Variants in TMEM135 observed in about 807,000 individuals in gnomAD.
TMEM135 encodes the protein peroxisomal membrane protein 52.
A neutral mutation model predicts 60.3 loss-of-function variants in TMEM135; 30 were observed. The observed-to-expected ratio is 0.50, with a 90% confidence interval of 0.37 to 0.68. TMEM135 has a LOEUF of 0.68. Ranked by LOEUF, TMEM135 falls within the 30% of genes least tolerant of loss-of-function variation. The pLI is 0.00. For synonymous variants in TMEM135, 190 were observed against 186.7 expected (o/e 1.02, Z -0.14); for missense variants, 468 against 548.8 (o/e 0.85, Z 1.47).
intron 1 of TMEM135, among the ~76,000 whole-genome samples, chr11:87,050,479 G>A (rs1437023174): frequency 1.5e-5 from 1 of 67,878 alleles, no homozygotes; most frequent in Non-Finnish European, 2.5e-5. Context: ...ATGATAAAGG[G>A]GATATCACCA....
At chr11:87,044,361 A>C (rs1421493886) in intron 1 of TMEM135, among the ~76,000 whole-genome samples, 1 of 152,160 alleles carries the variant, frequency 6.6e-6, no homozygotes, top group Non-Finnish European at 1.5e-5. Context: ...AAGACCAGCA[A>C]TGAGACTAAA....
chr11:87,261,092 C>T (rs774227204), intron 6 of TMEM135, among the ~76,000 whole-genome samples: 17 of 152,226 alleles, frequency 1.1e-4, no homozygotes, highest in Middle Eastern at 3.4e-3. Flanking sequence ...ATTCTAGTAC[C>T]TCACAACAAG....
intron 4 of TMEM135, among the ~76,000 whole-genome samples, chr11:87,122,397 A>C (rs117265532): frequency 0.021 from 3,053 of 148,016 alleles, 36 homozygotes; most frequent in South Asian, 0.033. Context: ...TAAAATCATA[A>C]AAATCTCCAG....
At chr11:87,237,672 T>A (rs1344721137) in intron 6 of TMEM135, among the ~76,000 whole-genome samples, 1 of 152,018 alleles carries the variant, frequency 6.6e-6, no homozygotes, top group African/African-American at 2.4e-5. Flanking sequence ...TCCTTTGTGT[T>A]ACAAACAATC....
chr11:87,325,452 G>A lies in TMEM135; in HGVS notation c.*4119G>A. The A allele has an allele frequency of 2.2e-6, 1 of 453,768 alleles. No individual in the cohort carries two copies. Among genetic ancestry groups the A allele is most frequent in the Non-Finnish European group, 4.4e-6 (1 of 226,694 alleles). The allele number at this position is 453,768 out of a possible 1,614,324, so 28.1% of individuals were successfully genotyped here. On this transcript the variant is annotated 3_prime_UTR_variant, in exon 15 of 15. Coordinates refer to ENST00000305494, the MANE Select transcript of TMEM135 (RefSeq NM_022918.4). ...TGGTTGGAGGAAAGAATTTATATCT[G>A]GTCTTTTGGAAATTATTCTGTTGCT...
intron 4 of TMEM135, among the ~76,000 whole-genome samples, chr11:87,098,747 G>A (rs1180167937): frequency 6.6e-6 from 1 of 151,930 alleles, no homozygotes; most frequent in African/African-American, 2.4e-5. Flanking sequence ...GCAGTGCAGT[G>A]GTGCCATGTC....
rs1162468448 is a variant in TMEM135 at position 87,328,281 on chromosome 11, C to G, written c.*6948C>G. 6.6e-6 allele frequency: 3 copies of G among 453,978 alleles called. No homozygotes were observed. The highest frequency in any genetic ancestry group is 4.7e-5 in the South Asian group (3 of 64,470). The allele number at this position is 453,978 out of a possible 1,614,324, so 28.1% of individuals were successfully genotyped here. A position where few individuals can be genotyped will look rare whatever the true frequency, so the allele number is the denominator to read the frequency against. The stretch of plus-strand genomic sequence containing the variant: ...GTGTATGCTAAAATACTGTCAATCT[C>G]GTCTTTGAAGGTTTTGCTCATCTTT... On this transcript the variant is annotated 3_prime_UTR_variant, in exon 15 of 15. Coordinates refer to ENST00000305494, the MANE Select transcript of TMEM135 (RefSeq NM_022918.4).
At chr11:87,117,764 G>A (rs888486261) in intron 4 of TMEM135, among the ~76,000 whole-genome samples, 10 of 152,138 alleles carry the variant, frequency 6.6e-5, no homozygotes, top group Admixed American at 5.2e-4. Flanking sequence ...TCCTGTTAAT[G>A]TTGATATTTA....
chr11:87,126,772 A>G (rs890626963), intron 4 of TMEM135, among the ~76,000 whole-genome samples: 3 of 152,150 alleles, frequency 2.0e-5, no homozygotes, highest in African/African-American at 7.2e-5. Flanking sequence ...ATTACCTTTA[A>G]TGAAGGCTGG....
intron 5 of TMEM135, among the ~76,000 whole-genome samples, chr11:87,195,192 A>G (rs886806900): frequency 1.3e-4 from 20 of 152,144 alleles, no homozygotes; most frequent in Non-Finnish European, 2.9e-5. Flanking sequence ...TAATTTATTT[A>G]CTGTCAAATG....
At chr11:87,279,466 T>G (rs1942022230) in intron 6 of TMEM135, among the ~76,000 whole-genome samples, 1 of 152,222 alleles carries the variant, frequency 6.6e-6, no homozygotes, top group East Asian at 1.9e-4. Flanking sequence ...GTAGTAATAA[T>G]AAATAACATT....
chr11:87,198,190 ATTC>A (rs1239138263), intron 5 of TMEM135, among the ~76,000 whole-genome samples: 8 of 152,284 alleles, frequency 5.3e-5, no homozygotes, highest in African/African-American at 1.9e-4. Flanking sequence ...CCTCAGTTCT[ATTC>A]TTTATGTACA....
chr11:87,043,287 T>A (rs1949766816), intron 1 of TMEM135, among the ~76,000 whole-genome samples: 1 of 152,080 alleles, frequency 6.6e-6, no homozygotes, highest in South Asian at 2.1e-4. Flanking sequence ...AGCAGATTCT[T>A]ACATATTTTG....
intron 4 of TMEM135, among the ~76,000 whole-genome samples, chr11:87,145,091 C>G (rs1415040017): frequency 1.3e-5 from 2 of 152,188 alleles, no homozygotes; most frequent in South Asian, 2.1e-4. Flanking sequence ...ATTTTCTACC[C>G]TTTGATCAAA....
intron 7 of TMEM135, among the ~76,000 whole-genome samples, chr11:87,300,301 C>A (rs1346769563): frequency 6.6e-6 from 1 of 152,162 alleles, no homozygotes; most frequent in Non-Finnish European, 1.5e-5. Context: ...ATATAGATAA[C>A]AGTAGAAGTC....
chr11:87,197,128 A>G (rs573268511), intron 5 of TMEM135, among the ~76,000 whole-genome samples: 174 of 152,246 alleles, frequency 1.1e-3, no homozygotes, highest in African/African-American at 4.0e-3. Context: ...AAAAAAATAC[A>G]AGATGTCTGT....
chr11:87,086,693 A>G (rs1425006185), intron 3 of TMEM135, among the ~76,000 whole-genome samples: 2 of 152,158 alleles, frequency 1.3e-5, no homozygotes, highest in African/African-American at 4.8e-5. Context: ...CAGCATAGAA[A>G]ACCAATTAGG....
At chr11:87,195,303 C>G (rs1206532574) in intron 5 of TMEM135, among the ~76,000 whole-genome samples, 1 of 149,804 alleles carries the variant, frequency 6.7e-6, no homozygotes, top group Non-Finnish European at 1.5e-5. Flanking sequence ...GTCATTTTCT[C>G]TTTCTTTCTC....
At chr11:87,245,979 GC>G (rs1263233071) in intron 6 of TMEM135, among the ~76,000 whole-genome samples, 2 of 127,820 alleles carry the variant, frequency 1.6e-5, no homozygotes. Context: ...TGATTTTGCA[GC>G]GGCTGGTACC....
Sources: gnomAD v4.1 joint callset for allele counts (sites outside exome capture counted in the v4.1 genomes callset) on GRCh38, gnomAD v4.1.1 for gene constraint, MANE v1.5 for transcripts, NCBI Gene and HGNC (gene_info 2026-07-23, HGNC 2026-07-21) for gene names.